Variants in HACL2 observed in about 807,000 individuals in gnomAD.
HACL2 encodes the protein 2-hydroxyacyl-CoA lyase 1 like.
chr19:15,115,900 C>G, the HACL2 span: 1 of 1,614,038 alleles, frequency 6.2e-7, no homozygotes, highest in African/African-American at 1.3e-5. Context: ...CCAAAAGCTC[C>G]GTCCCCAAAC....
At chr19:15,122,157 G>A in the HACL2 span, among the ~76,000 whole-genome samples, 8 of 150,808 alleles carry the variant, frequency 5.3e-5, no homozygotes, top group East Asian at 2.0e-4. This position sits in a 1 kb window ranked among gnomAD's most constrained non-coding sequence, Gnocchi z 4.0. Flanking sequence ...TGCCCACCTC[G>A]GCCTCCCAAT....
the HACL2 span, chr19:15,125,349 C>T: frequency 2.2e-6 from 1 of 461,160 alleles, no homozygotes; most frequent in South Asian, 3.0e-5. Flanking sequence ...AAGGTGGCGA[C>T]GACAGCACCA....
At chr19:15,116,110 G>A in the HACL2 span, 3 of 1,613,122 alleles carry the variant, frequency 1.9e-6, no homozygotes, top group African/African-American at 2.7e-5. Context: ...AAGGCGTCCT[G>A]ATGGATGGTG....
chr19:15,120,923 C>T, the HACL2 span, among the ~76,000 whole-genome samples: 1 of 151,896 alleles, frequency 6.6e-6, no homozygotes, highest in Non-Finnish European at 1.5e-5. Context: ...TAGAGTGAGG[C>T]CCTGTCTCAA....
chr19:15,119,378 C>A, the HACL2 span: 1 of 1,612,790 alleles, frequency 6.2e-7, no homozygotes, highest in Non-Finnish European at 8.5e-7. Flanking sequence ...GGACTGGGGA[C>A]TGGGAACGTG....
the HACL2 span, chr19:15,124,723 C>T: frequency 1.5e-6 from 1 of 660,990 alleles, no homozygotes; most frequent in South Asian, 2.2e-5. Context: ...CTTCCGTGTT[C>T]TCTCTTACCA....
the HACL2 span, chr19:15,122,974 C>T: frequency 1.2e-6 from 2 of 1,603,762 alleles, no homozygotes; most frequent in Non-Finnish European, 1.7e-6. This position sits in a 1 kb window ranked among gnomAD's most constrained non-coding sequence, Gnocchi z 4.0. Flanking sequence ...ACACACAAAA[C>T]TTACAGAGTG....
the HACL2 span, among the ~76,000 whole-genome samples, chr19:15,118,759 G>A: frequency 6.6e-6 from 1 of 152,198 alleles, no homozygotes; most frequent in Non-Finnish European, 1.5e-5. Context: ...CAGGGGTGAA[G>A]AACTCTATGA....
At chr19:15,121,233 T>G in the HACL2 span, among the ~76,000 whole-genome samples, 1 of 152,056 alleles carries the variant, frequency 6.6e-6, no homozygotes. Context: ...CGCTCCAACC[T>G]GGGGGACAAA....
the HACL2 span, chr19:15,124,641 T>A: frequency 2.1e-6 from 1 of 477,712 alleles, no homozygotes; most frequent in Non-Finnish European, 3.7e-6. Flanking sequence ...CACAGAGTGC[T>A]GTCCATCTGT....
the HACL2 span, chr19:15,125,092 C>T: frequency 6.7e-7 from 1 of 1,498,064 alleles, no homozygotes; most frequent in Middle Eastern, 1.9e-4. Flanking sequence ...GGGCACTTCC[C>T]AGACTTGGGC....
the HACL2 span, chr19:15,119,436 G>A: frequency 5.0e-6 from 8 of 1,614,078 alleles, no homozygotes; most frequent in Admixed American, 3.3e-5. Flanking sequence ...GTCGGCAGAC[G>A]TTGGGGTGAG....
chr19:15,119,644 A>G, the HACL2 span: 1 of 784,512 alleles, frequency 1.3e-6, no homozygotes. Flanking sequence ...TCCACCTCCC[A>G]GGTTCAAACG....
the HACL2 span, chr19:15,125,449 T>G: frequency 1.0e-5 from 2 of 196,970 alleles, no homozygotes; most frequent in African/African-American, 2.4e-5. Context: ...TCAGCCCCAG[T>G]AGTGAGCCCG....
the HACL2 span, chr19:15,124,712 G>C: frequency 6.7e-6 from 4 of 601,436 alleles, no homozygotes; most frequent in East Asian, 1.3e-4. Context: ...GGCAGCGGCA[G>C]CTTCCGTGTT....
At chr19:15,121,884 G>A in the HACL2 span, among the ~76,000 whole-genome samples, 5 of 149,986 alleles carry the variant, frequency 3.3e-5, no homozygotes, top group Admixed American at 2.0e-4. Context: ...GAGGGCTCGA[G>A]TCTGGGCTCT....
the HACL2 span, among the ~76,000 whole-genome samples, chr19:15,120,716 G>A: frequency 6.6e-6 from 1 of 152,212 alleles, no homozygotes; most frequent in Non-Finnish European, 1.5e-5. Flanking sequence ...GGAAACAGTC[G>A]GAGCTCAGAG....
the HACL2 span, chr19:15,123,530 A>G: frequency 1.9e-6 from 3 of 1,614,102 alleles, no homozygotes; most frequent in Non-Finnish European, 2.5e-6. This position sits in a 1 kb window ranked among gnomAD's most constrained non-coding sequence, Gnocchi z 5.1. Flanking sequence ...GGCCCTCAGC[A>G]CAGCGGCCAC....
the HACL2 span, chr19:15,119,342 C>G: frequency 1.2e-6 from 2 of 1,604,772 alleles, no homozygotes; most frequent in Middle Eastern, 1.7e-4. Flanking sequence ...GTGGCCGGGG[C>G]CTCCCGCCTC....
Sources: allele counts gnomAD v4.1 joint callset (sites outside exome capture counted in the v4.1 genomes callset), GRCh38; gene constraint gnomAD v4.1.1; non-coding constraint Gnocchi (gnomAD v3.1); transcripts MANE v1.5; gene names NCBI Gene and HGNC (gene_info 2026-07-23, HGNC 2026-07-21).